The following LRP6 variants were observed in gnomAD, a reference collection of about 807,000 sequenced individuals.
LRP6 encodes the protein low-density lipoprotein receptor-related protein 6.
In LRP6, 43 loss-of-function variants were observed where a neutral mutation model predicts 184.1. The observed-to-expected ratio is 0.23, with a 90% confidence interval of 0.18 to 0.30. LRP6 has a LOEUF of 0.30. LRP6 is among the 10% of genes least tolerant of loss of function. LRP6 has a pLI of 1.00. For synonymous variants in LRP6, 719 were observed against 684.9 expected, an observed-to-expected ratio of 1.05 and a Z score of -0.78; for missense variants, 1,571 against 2,005.3, an observed-to-expected ratio of 0.78 and a Z score of 4.14.
Position 12,159,140 on chromosome 12 carries a change from A to G in LRP6, c.2480T>C (p.Val827Ala). ...AGGATGAGGCAAGTCATCTGCTATAACTTCACGGTTGAGCCCTATTTTCAG... is the reference window on the plus strand; with the variant it reads ...AGGATGAGGCAAGTCATCTGCTATAGCTTCACGGTTGAGCCCTATTTTCAG... ...SSNMLGLNRE[V>A]IADDLPHPFG... The change falls in exon 12 of 23, where the codon GTT becomes GCT. Residue 827 changes from valine (V) to alanine (A), a missense_variant. By Grantham distance (64) the Val-to-Ala change is moderately conservative. Transcript: ENST00000261349. 1 of 1,614,048 alleles carries G rather than the reference A, an allele frequency of 6.2e-7. No homozygotes were observed. Among genetic ancestry groups the G allele is most frequent in the Non-Finnish European group, 8.5e-7 (1 of 1,179,956 alleles).
rs1565519106 is a variant in LRP6 at position 12,120,014 on chromosome 12, TATATATATATA to T, written c.*1101_*1111del. The T allele has an allele frequency of 1.0e-5, 1 of 98,456 alleles. No homozygotes were observed. The highest frequency in any genetic ancestry group is 3.4e-5 in the African/African-American group (1 of 29,590). The allele number at this position is 98,456 out of a possible 1,614,324, so 6.1% of individuals were successfully genotyped here. Reference sequence around the variant, plus strand: ...AAATATATATATATATATATATATATATATATATATATATATATATATATATATAAATGATT... The same window carrying T: ...AAATATATATATATATATATATATATTATATATATATATATATAAATGATT... On this transcript the variant is annotated 3_prime_UTR_variant, in exon 23 of 23. Transcript: ENST00000261349.
chr12:12,125,838 A>G (rs890029779), intron 20 of LRP6, among the ~76,000 whole-genome samples: 1 of 152,210 alleles, frequency 6.6e-6, no homozygotes, highest in Non-Finnish European at 1.5e-5. Context: ...ACAACATATG[A>G]AAGAATATTT....
At chr12:12,158,268 T>C (rs1327612016) in intron 12 of LRP6, among the ~76,000 whole-genome samples, 1 of 152,222 alleles carries the variant, frequency 6.6e-6, no homozygotes, top group African/African-American at 2.4e-5. Flanking sequence ...ATAAATATGA[T>C]GCATGAAACT....
intron 1 of LRP6, among the ~76,000 whole-genome samples, chr12:12,251,337 G>A (rs375307470): frequency 9.2e-5 from 14 of 151,966 alleles, no homozygotes; most frequent in East Asian, 5.8e-4. Flanking sequence ...TTAAAATGAC[G>A]GATTTTCTTC....
chr12:12,121,142 C>G lies in LRP6; in HGVS notation c.4826G>C (p.Cys1609Ser), dbSNP rs145105792. 7 of 1,611,726 alleles carry G rather than the reference C, an allele frequency of 4.3e-6. No homozygotes were observed. The highest frequency in any genetic ancestry group is 5.9e-6 in the Non-Finnish European group (7 of 1,179,068). The change falls in exon 23 of 23, where the codon TGT (cysteine) becomes TCT (serine). Residue 1609 changes from cysteine (C) to serine (S), a missense_variant. Cys to Ser is a moderately radical substitution (Grantham distance 112). Transcript: ENST00000261349. ...GGCCCCTCCTCAGGAGGAGTCTGTA[C>G]AGGGAGAGGGTGGCGGTGGGTAGAG... ...HHLYPPPPSPCTDSS is the reference protein window; with the variant it reads ...HHLYPPPPSPSTDSS
chr12:12,265,891 A>G (rs964278110), intron 1 of LRP6, among the ~76,000 whole-genome samples: 3 of 152,048 alleles, frequency 2.0e-5, no homozygotes, highest in Admixed American at 6.5e-5. Flanking sequence ...GCAATTTACC[A>G]AAGTGCCAAG....
chr12:12,165,365 C>A, intron 7 of LRP6, 70 bp from the exon 8 acceptor site: 1 of 1,059,394 alleles, frequency 9.4e-7, no homozygotes, highest in Non-Finnish European at 1.5e-6. Context: ...ATAACAAATC[C>A]AACTGCCTGT....
Position 12,149,080 on chromosome 12 carries a change from A to G in LRP6, c.3068T>C (p.Ile1023Thr), listed in dbSNP as rs1260348361. ...EIQPYDLSID[I>T]YSRYIYWTCE... The stretch of plus-strand genomic sequence containing the variant: ...AGTCCAGTAGATGTAGCGGCTGTAA[A>G]TATCAATGCTGAGGTCATAGGGTTG... Residue 1023 changes from isoleucine (I) to threonine (T), a missense_variant, in exon 14 of 23, where the codon ATT becomes ACT. Ile to Thr is a moderately conservative substitution (Grantham distance 89). Coordinates refer to ENST00000261349, the MANE Select transcript of LRP6 (RefSeq NM_002336.3). 4 of 1,613,980 alleles carry G rather than the reference A, an allele frequency of 2.5e-6. No individual in the cohort carries two copies. In the South Asian group the frequency reaches 3.3e-5, roughly 13 times the overall value.
intron 2 of LRP6, among the ~76,000 whole-genome samples, chr12:12,208,628 C>G (rs1864127248): frequency 1.3e-5 from 2 of 152,184 alleles, no homozygotes; most frequent in South Asian, 4.1e-4. Flanking sequence ...ATCACAATGA[C>G]TGGCACATTG....
intron 12 of LRP6, among the ~76,000 whole-genome samples, chr12:12,152,161 T>C (rs1057135223): frequency 1.2e-4 from 18 of 152,126 alleles, no homozygotes; most frequent in African/African-American, 3.6e-4. Context: ...TCATGAGATC[T>C]GAAGGGGTTC....
intron 6 of LRP6, 39 bp from the exon 7 acceptor site, chr12:12,180,020 TA>T (rs1207724232): frequency 1.3e-6 from 2 of 1,537,684 alleles, no homozygotes; most frequent in African/African-American, 2.7e-5. Flanking sequence ...AAATAGATAA[TA>T]AAATGTAACT....
intron 1 of LRP6, among the ~76,000 whole-genome samples, chr12:12,264,160 T>C (rs1397334647): frequency 1.3e-5 from 2 of 151,598 alleles, no homozygotes; most frequent in African/African-American, 4.8e-5. Context: ...AAAAAAATTG[T>C]GAACGTTATA....
intron 1 of LRP6, 44 bp downstream of exon 1, chr12:12,266,637 C>T (rs754236295): frequency 1.3e-6 from 2 of 1,522,332 alleles, no homozygotes; most frequent in Non-Finnish European, 1.8e-6. Flanking sequence ...AAGGCCACCT[C>T]CCCCCGAACC....
intron 19 of LRP6, among the ~76,000 whole-genome samples, chr12:12,128,198 T>G (rs1301915951): frequency 6.6e-6 from 1 of 152,188 alleles, no homozygotes; most frequent in Non-Finnish European, 1.5e-5. Context: ...ACTAACCTCT[T>G]TACACAATAC....
chr12:12,260,540 A>G (rs1041011285), intron 1 of LRP6, among the ~76,000 whole-genome samples: 1 of 152,340 alleles, frequency 6.6e-6, no homozygotes, highest in East Asian at 1.9e-4. Flanking sequence ...TGCCAAAAAC[A>G]GTGCCCAGGA....
Position 12,164,420 on chromosome 12 carries a change from C to G in LRP6, c.1905G>C (p.Leu635Phe). 1 of 1,614,058 alleles carries G rather than the reference C, an allele frequency of 6.2e-7. No individual in the cohort carries two copies. The highest frequency in any genetic ancestry group is 1.1e-5 in the South Asian group (1 of 91,080). The stretch of plus-strand genomic sequence containing the variant: ...GTCTGATATCTGCTCTCCGTGAAAA[C>G]AAAAGGAAAGCCTCTGGGACAATGC... ...KTCIVPEAFL[L>F]FSRRADIRRI... The change falls in exon 9 of 23, where the codon TTG becomes TTC. Residue 635 changes from leucine to phenylalanine, a missense_variant. This residue lies in a region of LRP6 where 640 missense variants were observed against 851.9 expected (regional missense o/e 0.75). Transcript: ENST00000261349.
intron 7 of LRP6, among the ~76,000 whole-genome samples, chr12:12,169,639 T>C (rs1862979040): frequency 6.6e-6 from 1 of 152,232 alleles, no homozygotes; most frequent in Non-Finnish European, 1.5e-5. Flanking sequence ...AATGGCACAG[T>C]GGCGAAGAAC....
At chr12:12,136,680 T>C (rs532207171) in intron 16 of LRP6, among the ~76,000 whole-genome samples, 25 of 152,360 alleles carry the variant, frequency 1.6e-4, no homozygotes, top group African/African-American at 4.8e-4. Context: ...CTGCTTCAGT[T>C]TGTGTTGAGA....
intron 2 of LRP6, among the ~76,000 whole-genome samples, chr12:12,221,241 T>C (rs1424120069): frequency 6.6e-6 from 1 of 152,238 alleles, no homozygotes; most frequent in Non-Finnish European, 1.5e-5. Flanking sequence ...TAAACTTTTG[T>C]ATTTATATCA....
Sources: gnomAD v4.1 joint callset for allele counts (sites outside exome capture counted in the v4.1 genomes callset) on GRCh38, gnomAD v4.1.1 for gene constraint, gnomAD v4.1.1 regional missense constraint, MANE v1.5 for transcripts, NCBI Gene and HGNC (gene_info 2026-07-23, HGNC 2026-07-21) for gene names.